PRAMEF14: variants seen among roughly 807,000 people sequenced by gnomAD.
The protein encoded by PRAMEF14 is PRAME family member 14.
PRAMEF14 carries 24 observed loss-of-function variants against 38.3 expected under a neutral mutation model. That is an observed-to-expected ratio of 0.63 (90% CI 0.45 to 0.88). The LOEUF (loss-of-function observed/expected upper bound fraction) is 0.88, where lower values mean the gene tolerates loss of function less well. PRAMEF14 is among the 40% of genes least tolerant of loss of function. The pLI is 0.00. For missense variants in PRAMEF14, 477 were observed against 570.8 expected (o/e 0.84, Z 1.67); for synonymous variants, 194 against 226.4 (o/e 0.86, Z 1.29).
At position 13,342,506 on chromosome 1, in the gene PRAMEF14, T is replaced by A; in HGVS notation, c.*22A>T. 6.2e-7 allele frequency: 1 copy of A among 1,604,958 alleles called. No homozygotes were observed. The highest frequency in any genetic ancestry group is 8.5e-7 in the Non-Finnish European group (1 of 1,177,024). ...CCTGGAAGAGAACTTTGGATTTCTC[T>A]ACCCCGCTAGGCACGCCTTCCCTAG... On this transcript the variant is annotated 3_prime_UTR_variant, in exon 4 of 4. Transcript: ENST00000334600.
chr1:13,346,025 C>T (rs1170013900), intron 1 of PRAMEF14, among the ~76,000 whole-genome samples: 136 of 150,960 alleles, frequency 9.0e-4, no homozygotes, highest in African/African-American at 3.1e-3. Flanking sequence ...ATCCTAGCTA[C>T]TCTGGAGGCA....
intron 1 of PRAMEF14, among the ~76,000 whole-genome samples, chr1:13,345,821 T>C (rs1384799909): frequency 6.6e-6 from 1 of 151,882 alleles, no homozygotes; most frequent in Non-Finnish European, 1.5e-5. Flanking sequence ...CTGGCCTACA[T>C]AATGAAACGA....
At position 13,344,288 on chromosome 1, in the gene PRAMEF14, T is replaced by C. The variant is rs1187067301; in HGVS notation, c.616A>G (p.Ser206Gly). The C allele has an allele frequency of 5.6e-6, 9 of 1,606,276 alleles. No homozygotes were observed. In the African/African-American group the frequency reaches 1.2e-4, roughly 21 times the overall value. Residue 206 changes from serine to glycine, a missense_variant, in exon 3 of 4, where the codon AGT becomes GGT. This residue lies in a region of PRAMEF14 where 234 missense variants were observed against 247.4 expected (regional missense o/e 0.95). Coordinates refer to ENST00000334600, the MANE Select transcript of PRAMEF14 (RefSeq NM_001024661.2). ...RKSLKIIYLN[S>G]IQQLEIRNMS... ...TTGCGAATTTCCAGCTGTTGAATACTATTCAGGTATATTATTTTCAATGAC... is the reference window on the plus strand; with the variant it reads ...TTGCGAATTTCCAGCTGTTGAATACCATTCAGGTATATTATTTTCAATGAC...
chr1:13,346,236 G>A (rs1276940327), intron 1 of PRAMEF14, among the ~76,000 whole-genome samples: 5 of 151,162 alleles, frequency 3.3e-5, no homozygotes, highest in African/African-American at 7.3e-5. Context: ...AGCTGGGCGC[G>A]GTGGCTCACT....
rs761482035 is a variant in PRAMEF14 at position 13,342,787 on chromosome 1, A to T, written c.1166T>A (p.Met389Lys). The T allele has an allele frequency of 1.7e-5, 27 of 1,604,278 alleles. No homozygotes were observed. Among genetic ancestry groups the T allele is most frequent in the Non-Finnish European group, 2.3e-5 (27 of 1,177,112 alleles). ...CAGGTCCTTCAGGGCACCCATAGAC[A>T]TACAATTTCTGCCAAAGTAGAAGGT... is the stretch of plus-strand genomic sequence containing the variant. Reference protein sequence around the residue: ...LTTFYFGRNCMSMGALKDLLC... With the variant: ...LTTFYFGRNCKSMGALKDLLC... Residue 389 changes from methionine (M) to lysine (K), a missense_variant, in exon 4 of 4, where the codon ATG (methionine) becomes AAG (lysine). Physicochemically the swap from Met to Lys is moderately conservative, Grantham distance 95 (BLOSUM62 -1). This residue lies in a region of PRAMEF14 where 151 missense variants were observed against 137.4 expected (regional missense o/e 1.10). Coordinates refer to ENST00000334600, the MANE Select transcript of PRAMEF14 (RefSeq NM_001024661.2).
At chr1:13,346,314 C>T (rs1640404421) in intron 1 of PRAMEF14, among the ~76,000 whole-genome samples, 1 of 151,256 alleles carries the variant, frequency 6.6e-6, no homozygotes, top group African/African-American at 2.4e-5. Context: ...TTGAGGCCAG[C>T]ATGGCCAACA....
At chr1:13,346,057 G>A (rs1354785015) in intron 1 of PRAMEF14, among the ~76,000 whole-genome samples, 1 of 150,256 alleles carries the variant, frequency 6.7e-6, no homozygotes, top group African/African-American at 2.4e-5. Context: ...ATCACTTGAA[G>A]CCCAGAGGCA....
At chr1:13,345,922 C>T (rs1640397053) in intron 1 of PRAMEF14, among the ~76,000 whole-genome samples, 1 of 151,550 alleles carries the variant, frequency 6.6e-6, no homozygotes, top group South Asian at 2.1e-4. Flanking sequence ...GCTCTCCAGC[C>T]TGGGTGACAG....
Position 13,345,055 on chromosome 1 carries a change from A to T in PRAMEF14, c.260T>A (p.Met87Lys). 1 of 1,579,162 alleles carries T rather than the reference A, an allele frequency of 6.3e-7. No homozygotes were observed. ...TLKALLEGLH[M>K]LLTQKDRPRR... is the part of the protein sequence containing the mutation. ...GGGGCGATCCTTCTGTGTAAGCAGC[A>T]TATGAAGCCCTTCCAGCAATGCTTT... The change falls in exon 2 of 4, where the codon ATG becomes AAG. Residue 87 changes from methionine to lysine, a missense_variant. Transcript: ENST00000334600.
At chr1:13,343,165 C>T (rs1429360771) in intron 3 of PRAMEF14, 79 bp from the exon 4 acceptor site, 41 of 1,076,856 alleles carry the variant, frequency 3.8e-5, no homozygotes, top group Non-Finnish European at 5.0e-5. Context: ...AAAATGCCTG[C>T]GTCAAACAAA....
intron 1 of PRAMEF14, among the ~76,000 whole-genome samples, 151 bp downstream of exon 1, chr1:13,346,906 A>G (rs1248813855): frequency 2.7e-5 from 4 of 150,220 alleles, no homozygotes; most frequent in African/African-American, 9.7e-5. Flanking sequence ...TGAAGACAAA[A>G]CTACATTTAG....
rs1201677124 is a variant in PRAMEF14 at position 13,344,151 on chromosome 1, G to A, written c.753C>T (p.Leu251=). The A allele has an allele frequency of 4.9e-5, 78 of 1,605,900 alleles. 10 individuals are homozygous for A. The highest frequency in any genetic ancestry group is 3.1e-4 in the East Asian group (13 of 41,832). The part of the protein sequence containing the change: ...RCHHSMSDNE[L]EGRLVTKFSS... ...TGAATTTGGTGACTAACCGTCCTTC[G>A]AGTTCATTATCTGACATGGAATGAT... Residue 251 remains leucine (L), a synonymous_variant, in exon 3 of 4, where the codon CTC becomes CTT. Transcript: ENST00000334600.
At chr1:13,345,521 G>A (rs1358730636) in intron 1 of PRAMEF14, among the ~76,000 whole-genome samples, 182 bp from the exon 2 acceptor site, 5,554 of 150,470 alleles carry the variant, frequency 0.037, 150 homozygotes, top group African/African-American at 0.12. Flanking sequence ...TGCCACTGAG[G>A]ATCCTGAAAG....
Position 13,346,738 on chromosome 1 carries a change from G to C in PRAMEF14, c.-26+319C>G, listed in dbSNP as rs1371145168. Among the ~76,000 whole-genome samples the C allele has an allele frequency of 3.3e-5, 5 of 149,330 alleles. 1 individual carries two copies. The highest frequency in any genetic ancestry group is 1.2e-4 in the African/African-American group (5 of 40,910). ...ACTTGGAGAATCACAATAACACCAA[G>C]TCTATGAACTGTAATTGAAGGGCAC... is the stretch of plus-strand genomic sequence containing the variant. On this transcript the variant is annotated intron_variant, in intron 1 of 3. Coordinates refer to ENST00000334600, the MANE Select transcript of PRAMEF14 (RefSeq NM_001024661.2).
chr1:13,344,154 T>A lies in PRAMEF14; in HGVS notation c.750A>T (p.Glu250Asp). The change falls in exon 3 of 4, where the codon GAA becomes GAT. Residue 250 changes from glutamate to aspartate, a missense_variant. Physicochemically the swap from Glu to Asp is conservative, Grantham distance 45 (BLOSUM62 2). Around this residue, in one of 4 missense-constraint regions of PRAMEF14, gnomAD observed 234 missense variants for 247.4 expected, o/e 0.95. Transcript: ENST00000334600. Reference sequence around the variant, plus strand: ...ATTTGGTGACTAACCGTCCTTCGAGTTCATTATCTGACATGGAATGATGGC... The same window carrying A: ...ATTTGGTGACTAACCGTCCTTCGAGATCATTATCTGACATGGAATGATGGC... ...SRCHHSMSDN[E>D]LEGRLVTKFS... The A allele has an allele frequency of 4.4e-6, 7 of 1,603,270 alleles. No homozygotes were observed. The highest frequency in any genetic ancestry group is 6.0e-6 in the Non-Finnish European group (7 of 1,175,480).
Position 13,345,310 on chromosome 1 carries a change from C to T in PRAMEF14, c.5G>A (p.Ser2Asn). Residue 2 changes from serine (S) to asparagine (N), a missense_variant, in exon 2 of 4, where the codon AGC becomes AAC. Ser to Asn is a conservative substitution (Grantham distance 46). This residue lies in a region of PRAMEF14 where 58 missense variants were observed against 119.9 expected (regional missense o/e 0.48). Coordinates refer to ENST00000334600, the MANE Select transcript of PRAMEF14 (RefSeq NM_001024661.2). M[S>N]IQAPPRLLEL... ...CAGGAGTCTGGGTGGGGCCTGGATG[C>T]TCATCCTGATAGATCTGCAAGAAAA... is the stretch of plus-strand genomic sequence containing the variant. The T allele has an allele frequency of 3.1e-6, 5 of 1,606,148 alleles. No individual in the cohort carries two copies. Among genetic ancestry groups the T allele is most frequent in the Non-Finnish European group, 4.2e-6 (5 of 1,177,960 alleles).
chr1:13,344,559 T>C lies in PRAMEF14; in HGVS notation c.345A>G (p.Arg115=), dbSNP rs2100352997. 4 of 1,604,612 alleles carry C rather than the reference T, an allele frequency of 2.5e-6. No individual in the cohort carries two copies. In the Admixed American group the frequency reaches 5.0e-5, roughly 20 times the overall value. The change falls in exon 3 of 4, where the codon AGA becomes AGG. Residue 115 remains arginine, a synonymous_variant. Transcript: ENST00000334600. ...AGGACAGGGCCCAGGCTCCAGGCCA[T>C]CTGGCCCAGAAATTCTCATCAACAT... is the stretch of plus-strand genomic sequence containing the variant. ...LRDVDENFWA[R]WPGAWALSCF...
chr1:13,342,663 G>C lies in PRAMEF14; in HGVS notation c.1290C>G (p.Phe430Leu), dbSNP rs201163939. ...NSLVRVDWEI[F>L]ALLRAELMCT... Reference sequence around the variant, plus strand: ...ACATCAGCTCAGCCCGAAGTAGGGCGAAGATCTCCCAATCGACACGAACCA... The same window carrying C: ...ACATCAGCTCAGCCCGAAGTAGGGCCAAGATCTCCCAATCGACACGAACCA... The change falls in exon 4 of 4, where the codon TTC becomes TTG. Residue 430 changes from phenylalanine to leucine, a missense_variant. Phe to Leu is a conservative substitution (Grantham distance 22, BLOSUM62 0). Around this residue, in one of 4 missense-constraint regions of PRAMEF14, gnomAD observed 151 missense variants for 137.4 expected, o/e 1.10. Transcript: ENST00000334600. The C allele has an allele frequency of 3.1e-6, 5 of 1,604,790 alleles. No homozygotes were observed. The East Asian group carries it at 7.2e-5, about 23-fold the overall frequency.
chr1:13,346,297 C>G (rs1326013077), intron 1 of PRAMEF14, among the ~76,000 whole-genome samples: 30 of 151,414 alleles, frequency 2.0e-4, no homozygotes, highest in Non-Finnish European at 4.3e-4. Context: ...CTCCTGAGGT[C>G]AGGAGTTTGA....
Sources: gnomAD v4.1 joint callset for allele counts (sites outside exome capture counted in the v4.1 genomes callset) on GRCh38, gnomAD v4.1.1 for gene constraint, gnomAD v4.1.1 regional missense constraint, MANE v1.5 for transcripts, NCBI Gene and HGNC (gene_info 2026-07-23, HGNC 2026-07-21) for gene names.